RBPJ: variants seen among roughly 807,000 people sequenced by gnomAD.
RBPJ encodes recombination signal binding protein for immunoglobulin kappa J region.
RBPJ carries 9 observed loss-of-function variants against 67.8 expected under a neutral mutation model. That is an observed-to-expected ratio of 0.13 (90% CI 0.08 to 0.23). The LOEUF (loss-of-function observed/expected upper bound fraction) is 0.23. RBPJ is among the 10% of genes least tolerant of loss of function. RBPJ has a pLI of 1.00. For synonymous variants in RBPJ, 198 were observed against 203.3 expected (o/e 0.97, Z 0.22); for missense variants, 305 against 595.6 (o/e 0.51, Z 5.08).
chr4:26,143,552 C>T, the RBPJ span, among the ~76,000 whole-genome samples: 1 of 152,202 alleles, frequency 6.6e-6, no homozygotes, highest in East Asian at 1.9e-4. Context: ...ATTACAGAAT[C>T]ATGAGTGACT....
At chr4:26,362,985 T>C (rs537326073) in intron 1 of RBPJ, among the ~76,000 whole-genome samples, 24 of 152,302 alleles carry the variant, frequency 1.6e-4, no homozygotes, top group Admixed American at 1.6e-3. Context: ...GAACTGTCAT[T>C]TTATGGTAGC....
chr4:26,406,302 G>A (rs2109744542), intron 3 of RBPJ, 32 bp downstream of exon 3: 1 of 1,395,826 alleles, frequency 7.2e-7, no homozygotes, highest in Non-Finnish European at 1.0e-6. Context: ...ATAGTTAATT[G>A]TAGTTACCAC....
At chr4:26,159,925 T>TCTC (rs1414696711), upstream of RBPJ, among the ~76,000 whole-genome samples, 3 of 85,664 alleles carry the variant, frequency 3.5e-5, no homozygotes, top group Non-Finnish European at 8.0e-5. Context: ...CTCTCTCTCT[T>TCTC]TTTTTTTTTT....
intron 1 of RBPJ, among the ~76,000 whole-genome samples, chr4:26,186,147 A>T (rs1409776808): frequency 6.6e-6 from 1 of 151,444 alleles, no homozygotes; most frequent in Non-Finnish European, 1.5e-5. Context: ...ACATCCACTT[A>T]AGTATAGAGA....
chr4:26,131,291 A>ACGCAG, the RBPJ span, among the ~76,000 whole-genome samples: 1 of 152,334 alleles, frequency 6.6e-6, no homozygotes, highest in Non-Finnish European at 1.5e-5. Context: ...TCACATCCCT[A>ACGCAG]TGCAGTCACA....
rs187652618 is a variant in RBPJ, at chr4:26,400,003, A to C, written c.60-6172A>C. Among the ~76,000 whole-genome samples, 564 of 152,306 alleles carry C rather than the reference A, an allele frequency of 3.7e-3. 4 individuals are homozygous for C. The highest frequency in any genetic ancestry group is 0.013 in the African/African-American group (539 of 41,554). Reference sequence around the variant, plus strand: ...TTTAGAATGAAAATTTTATGTAAGAAATCATTAAATGAAATTAGTAAACAA... The same window carrying C: ...TTTAGAATGAAAATTTTATGTAAGACATCATTAAATGAAATTAGTAAACAA... On this transcript the variant is annotated intron_variant, in intron 2 of 10. Coordinates refer to ENST00000355476, the MANE Select transcript of RBPJ (RefSeq NM_015874.6).
In RBPJ at chr4:26,433,895, T is replaced by G. The variant is rs1025319596; in HGVS notation, c.*2888T>G. 1 of 152,220 alleles carries G rather than the reference T, an allele frequency of 6.6e-6. No homozygotes were observed. Among genetic ancestry groups the G allele is most frequent in the African/African-American group, 2.4e-5 (1 of 41,468 alleles). The allele number at this position is 152,220 out of a possible 1,614,324, so 9.4% of individuals were successfully genotyped here. On this transcript the variant is annotated 3_prime_UTR_variant, in exon 11 of 11. Transcript: ENST00000355476. ...TTTACCCTCAGAAAGACTCTCTTAT[T>G]AGAATGGTGAGTGCTTCAGTTATAG...
At chr4:26,373,480 C>T (rs1007371345) in intron 1 of RBPJ, among the ~76,000 whole-genome samples, 1 of 152,144 alleles carries the variant, frequency 6.6e-6, no homozygotes, top group Non-Finnish European at 1.5e-5. Flanking sequence ...GATTCAAGTA[C>T]ATGAAAATAC....
At chr4:26,151,482 A>G in the RBPJ span, among the ~76,000 whole-genome samples, 1 of 152,308 alleles carries the variant, frequency 6.6e-6, no homozygotes, top group South Asian at 2.1e-4. Flanking sequence ...GTTAGATTTA[A>G]CCATTTTGTT....
At chr4:26,153,564 T>C in the RBPJ span, among the ~76,000 whole-genome samples, 1 of 152,176 alleles carries the variant, frequency 6.6e-6, no homozygotes, top group African/African-American at 2.4e-5. Flanking sequence ...AGTGGATAGC[T>C]TTTTTCAAAT....
At chr4:26,244,973 T>C (rs1030915173) in intron 1 of RBPJ, among the ~76,000 whole-genome samples, 2 of 151,234 alleles carry the variant, frequency 1.3e-5, no homozygotes, top group African/African-American at 4.8e-5. Flanking sequence ...CCGATTGTTA[T>C]TTAATATTAA....
chr4:26,272,630 G>A (rs1263675246), intron 1 of RBPJ: 1 of 443,766 alleles, frequency 2.3e-6, no homozygotes, highest in Admixed American at 2.4e-5. Flanking sequence ...AGATTTGGTT[G>A]CAGATGAACT....
intron 1 of RBPJ, among the ~76,000 whole-genome samples, chr4:26,286,472 CAA>C (rs57556548): frequency 4.1e-4 from 41 of 99,476 alleles, no homozygotes; most frequent in African/African-American, 1.8e-3. Flanking sequence ...GACCCTGCCT[CAA>C]AAAAAAAAAA....
chr4:26,109,491 T>TATATATATAC, the RBPJ span, among the ~76,000 whole-genome samples: 4 of 41,406 alleles, frequency 9.7e-5, no homozygotes, highest in East Asian at 7.8e-4. Flanking sequence ...TATATATATA[T>TATATATATAC]ACACACACAC....
chr4:26,328,234 G>A (rs1723857660), intron 1 of RBPJ, among the ~76,000 whole-genome samples: 1 of 152,096 alleles, frequency 6.6e-6, no homozygotes, highest in Non-Finnish European at 1.5e-5. Context: ...ACATGTAGGA[G>A]GGGTGTTAAG....
Position 26,431,184 on chromosome 4 carries a change from T to TAAAAAAAAAAAAAAAAAAAAAAA in RBPJ, c.*182_*204dup, listed in dbSNP as rs897964346. Reference sequence around the variant, plus strand: ...CTGATTTGAAATGCAGAAGCCACAGTAAAAAAAAAAAAAAAAAAAAAAAAA... The same window carrying TAAAAAAAAAAAAAAAAAAAAAAA: ...CTGATTTGAAATGCAGAAGCCACAGTAAAAAAAAAAAAAAAAAAAAAAAAAAAAAAAAAAAAAAAAAAAAAAAA... On this transcript the variant is annotated 3_prime_UTR_variant, in exon 11 of 11. Transcript: ENST00000355476. The TAAAAAAAAAAAAAAAAAAAAAAA allele has an allele frequency of 9.8e-5, 4 of 40,666 alleles. No homozygotes were observed. The highest frequency in any genetic ancestry group is 1.1e-4 in the African/African-American group (1 of 8,880). 2.5% of individuals were successfully genotyped at this position (40,666 alleles called of 1,614,324 possible).
chr4:26,316,032 G>A (rs989551128), upstream of RBPJ, among the ~76,000 whole-genome samples: 1 of 151,880 alleles, frequency 6.6e-6, no homozygotes, highest in Admixed American at 6.6e-5. Context: ...TCAAACACAC[G>A]TTTTACAATC....
At chr4:26,115,927 A>G in the RBPJ span, among the ~76,000 whole-genome samples, 6 of 143,792 alleles carry the variant, frequency 4.2e-5, no homozygotes, top group East Asian at 9.7e-4. Flanking sequence ...CACTCTACAG[A>G]TGAAAAGTGG....
chr4:26,359,496 C>T (rs1165543056), intron 1 of RBPJ, among the ~76,000 whole-genome samples: 5 of 150,186 alleles, frequency 3.3e-5, no homozygotes, highest in East Asian at 2.0e-4. Context: ...CCCTCTTCCT[C>T]GGTTCTGGGC....
Sources: gnomAD v4.1 joint callset for allele counts (sites outside exome capture counted in the v4.1 genomes callset) on GRCh38, gnomAD v4.1.1 for gene constraint, MANE v1.5 for transcripts, NCBI Gene and HGNC (gene_info 2026-07-23, HGNC 2026-07-21) for gene names.